The following PPP1R9A variants were observed in gnomAD, a reference collection of about 807,000 sequenced individuals.
PPP1R9A encodes neurabin-1.
In PPP1R9A, 59 loss-of-function variants were observed where a neutral mutation model predicts 141.9. The ratio of observed to expected loss-of-function variants is 0.42; its 90% CI spans 0.34 to 0.52. The LOEUF (loss-of-function observed/expected upper bound fraction) is 0.52, where lower values mean the gene tolerates loss of function less well. PPP1R9A is among the 20% of genes least tolerant of loss of function. The pLI, the probability that PPP1R9A is intolerant of heterozygous loss-of-function variation, is 0.10. For synonymous variants in PPP1R9A, 500 were observed against 569.7 expected, an observed-to-expected ratio of 0.88 and a Z score of 1.74; for missense variants, 1,444 against 1,611.9, an observed-to-expected ratio of 0.90 and a Z score of 1.78.
intron 2 of PPP1R9A, among the ~76,000 whole-genome samples, chr7:95,110,112 G>A (rs1820289904): frequency 6.6e-6 from 1 of 152,034 alleles, no homozygotes; most frequent in Non-Finnish European, 1.5e-5. Context: ...TAAGAAGCAT[G>A]TACCATTAGG....
chr7:94,933,558 A>G (rs1433459942), intron 2 of PPP1R9A, among the ~76,000 whole-genome samples: 1 of 152,198 alleles, frequency 6.6e-6, no homozygotes, highest in Non-Finnish European at 1.5e-5. Flanking sequence ...CTAAGGACGA[A>G]TGGCATCTTT....
chr7:94,962,667 T>A (rs1797761392), intron 2 of PPP1R9A, among the ~76,000 whole-genome samples: 1 of 152,036 alleles, frequency 6.6e-6, no homozygotes. Flanking sequence ...AATCACACAT[T>A]AAAAAATACA....
At chr7:94,987,814 T>C (rs1253002132) in intron 2 of PPP1R9A, among the ~76,000 whole-genome samples, 1 of 152,150 alleles carries the variant, frequency 6.6e-6, no homozygotes, top group African/African-American at 2.4e-5. Flanking sequence ...ACTATTATTG[T>C]TTTTTCTCAA....
intron 14 of PPP1R9A, among the ~76,000 whole-genome samples, chr7:95,272,181 C>T (rs1802307016): frequency 1.3e-5 from 2 of 152,190 alleles, no homozygotes; most frequent in African/African-American, 2.4e-5. Flanking sequence ...CTTCTCAGCG[C>T]TCATTGTAAC....
chr7:95,098,267 C>T (rs1259897395), intron 2 of PPP1R9A: 1 of 152,100 alleles, frequency 6.6e-6, no homozygotes, highest in Admixed American at 6.5e-5. Flanking sequence ...TGAGGTTTAT[C>T]CTAGGCGTGA....
At chr7:95,181,265 A>G (rs1191923234) in intron 5 of PPP1R9A, among the ~76,000 whole-genome samples, 1 of 143,632 alleles carries the variant, frequency 7.0e-6, no homozygotes, top group African/African-American at 2.5e-5. Flanking sequence ...TATAGAATAT[A>G]TAGGGAGAAT....
intron 2 of PPP1R9A, among the ~76,000 whole-genome samples, chr7:94,987,581 T>TA (rs1801007134): frequency 6.6e-6 from 1 of 152,154 alleles, no homozygotes; most frequent in Non-Finnish European, 1.5e-5. Context: ...CACATACCCT[T>TA]ACCCTAAAAG....
intron 2 of PPP1R9A, among the ~76,000 whole-genome samples, chr7:95,008,710 C>T (rs1451128058): frequency 3.3e-5 from 5 of 152,142 alleles, no homozygotes. Flanking sequence ...TATTTAAATT[C>T]TGCTCATATT....
Position 94,911,025 on chromosome 7 carries a change from G to A in PPP1R9A, c.912G>A (p.Glu304=). 1 of 1,614,080 alleles carries A rather than the reference G, an allele frequency of 6.2e-7. No homozygotes were observed. The highest frequency in any genetic ancestry group is 8.5e-7 in the Non-Finnish European group (1 of 1,179,992). ...GEEIQQSKEP[E]DSTSNQQTPD... is the part of the protein sequence containing the mutation. ...AGATCCAGCAGAGCAAGGAACCCGA[G>A]GACTCCACATCTAATCAACAGACTC... The change falls in exon 2 of 20, where the codon GAG becomes GAA. Residue 304 remains glutamate (E), a synonymous_variant. Coordinates refer to ENST00000433360, the MANE Select transcript of PPP1R9A (RefSeq NM_001166160.2).
intron 2 of PPP1R9A, among the ~76,000 whole-genome samples, chr7:95,042,616 T>A (rs986625839): frequency 6.6e-6 from 1 of 152,164 alleles, no homozygotes; most frequent in Non-Finnish European, 1.5e-5. Flanking sequence ...TTATGCAAAA[T>A]AATATCTTTC....
intron 2 of PPP1R9A, among the ~76,000 whole-genome samples, chr7:94,934,957 C>CA (rs1306123175): frequency 6.6e-6 from 1 of 152,012 alleles, no homozygotes; most frequent in African/African-American, 2.4e-5. Context: ...CTCCTGGGCT[C>CA]AAGTGATCCT....
In PPP1R9A at chr7:95,284,102, C is replaced by T; in HGVS notation, c.3381C>T (p.Phe1127=). ...CCACTCGTTCCCCTTGCATGCCTTT[C>T]TCATGGTTTAATGACAGCCGGAAAG... is the stretch of plus-strand genomic sequence containing the variant. ...QTSTRSPCMP[F]SWFNDSRKGS... The change falls in exon 17 of 20, where the codon TTC becomes TTT. Residue 1127 remains phenylalanine (F), a synonymous_variant. Coordinates refer to ENST00000433360, the MANE Select transcript of PPP1R9A (RefSeq NM_001166160.2). 2.5e-6 allele frequency: 4 copies of T among 1,594,800 alleles called. No individual in the cohort carries two copies. The highest frequency in any genetic ancestry group is 3.4e-6 in the Non-Finnish European group (4 of 1,175,542).
At chr7:95,212,933 CTAT>C (rs1005485658) in intron 7 of PPP1R9A, among the ~76,000 whole-genome samples, 4 of 152,050 alleles carry the variant, frequency 2.6e-5, no homozygotes, top group African/African-American at 9.7e-5. Context: ...GCTTGGAATC[CTAT>C]TGATAGTAGT....
At chr7:94,947,569 G>A (rs1796029716) in intron 2 of PPP1R9A, among the ~76,000 whole-genome samples, 3 of 152,036 alleles carry the variant, frequency 2.0e-5, no homozygotes, top group African/African-American at 7.2e-5. Flanking sequence ...TTTCTCTGGG[G>A]GCAGTTGCTA....
chr7:95,044,405 C>CAGGAAT (rs1809694908), intron 2 of PPP1R9A, among the ~76,000 whole-genome samples: 1 of 152,142 alleles, frequency 6.6e-6, no homozygotes, highest in African/African-American at 2.4e-5. Flanking sequence ...CATGCAGTAT[C>CAGGAAT]ATTTGCAAGA....
rs76125879 is a variant in PPP1R9A, at chr7:95,029,926, G to A, written c.1396-81333G>A. On this transcript the variant is annotated intron_variant, in intron 2 of 19. Transcript: ENST00000433360. ...AGTTTACATGTTATTGTTTTAAAGC[G>A]ACAGCAGGCTTAACTTGAGCATCAT... Among the ~76,000 whole-genome samples, 90 of 152,278 alleles carry A rather than the reference G, an allele frequency of 5.9e-4. No homozygotes were observed. The East Asian group carries it at 0.016, about 28-fold the overall frequency.
chr7:95,220,317 A>G (rs976558461), intron 7 of PPP1R9A, among the ~76,000 whole-genome samples: 1 of 152,108 alleles, frequency 6.6e-6, no homozygotes, highest in African/African-American at 2.4e-5. Context: ...TGCGTCTGAA[A>G]ATACATAGCA....
At chr7:95,260,110 A>G (rs1005660160) in intron 12 of PPP1R9A, among the ~76,000 whole-genome samples, 7 of 152,168 alleles carry the variant, frequency 4.6e-5, no homozygotes, top group Admixed American at 2.0e-4. Flanking sequence ...AGAAATCAAT[A>G]TTTATTGATT....
At chr7:95,023,656 C>G (rs1806350146) in intron 2 of PPP1R9A, among the ~76,000 whole-genome samples, 1 of 152,116 alleles carries the variant, frequency 6.6e-6, no homozygotes, top group African/African-American at 2.4e-5. Context: ...TGGTTTCACG[C>G]CATTCTCCTG....
Sources: gnomAD v4.1 joint callset for allele counts (sites outside exome capture counted in the v4.1 genomes callset) on GRCh38, gnomAD v4.1.1 for gene constraint, MANE v1.5 for transcripts, NCBI Gene and HGNC (gene_info 2026-07-23, HGNC 2026-07-21) for gene names.